The following OTUD7B variants were observed in gnomAD, a reference collection of about 807,000 sequenced individuals.
The protein encoded by OTUD7B is OTU domain-containing protein 7B.
A neutral mutation model predicts 82.2 loss-of-function variants in OTUD7B; 34 were observed. The ratio of observed to expected loss-of-function variants is 0.41; its 90% CI spans 0.31 to 0.55. The LOEUF is 0.55. OTUD7B is among the 20% of genes least tolerant of loss of function. The probability of loss-of-function intolerance (pLI) is 0.20; values close to 1 mark genes in which losing one functional copy is unlikely to be tolerated. For synonymous variants in OTUD7B, 398 were observed against 402.7 expected, an observed-to-expected ratio of 0.99 and a Z score of 0.14; for missense variants, 944 against 1,062.1, an observed-to-expected ratio of 0.89 and a Z score of 1.55.
At chr1:149,982,968 TC>T (rs2101877699) in intron 1 of OTUD7B, among the ~76,000 whole-genome samples, 1 of 149,586 alleles carries the variant, frequency 6.7e-6, no homozygotes, top group African/African-American at 2.5e-5. Flanking sequence ...TGCCTCAGCC[TC>T]CCGAGTAGCT....
intron 7 of OTUD7B, among the ~76,000 whole-genome samples, chr1:149,953,520 T>C (rs1337478246): frequency 5.9e-5 from 9 of 152,212 alleles, no homozygotes; most frequent in Non-Finnish European, 2.9e-5. Flanking sequence ...AGGATTGTCT[T>C]GGCAATGCAG....
At chr1:150,034,948 C>T in the OTUD7B span, among the ~76,000 whole-genome samples, 2 of 151,788 alleles carry the variant, frequency 1.3e-5, no homozygotes, top group African/African-American at 4.8e-5. Context: ...TTTGAGACCA[C>T]CCTGGCTAAC....
At chr1:149,992,205 C>A (rs1651615338) in intron 1 of OTUD7B, among the ~76,000 whole-genome samples, 1 of 152,062 alleles carries the variant, frequency 6.6e-6, no homozygotes, top group Non-Finnish European at 1.5e-5. Context: ...AGCCTGGCGA[C>A]ACAGCAAGAC....
At chr1:149,964,169 T>C (rs1295173422) in intron 6 of OTUD7B, 53 bp downstream of exon 6, 10 of 1,599,132 alleles carry the variant, frequency 6.3e-6, no homozygotes, top group African/African-American at 2.7e-5. Context: ...CCCAGTGACT[T>C]TGGCAGCTTG....
chr1:149,984,439 C>T (rs1483182238), intron 1 of OTUD7B, among the ~76,000 whole-genome samples: 1 of 152,170 alleles, frequency 6.6e-6, no homozygotes, highest in African/African-American at 2.4e-5. Context: ...CTCTTTGTAG[C>T]ATTTGACACT....
chr1:149,963,008 C>T lies in OTUD7B; in HGVS notation c.732+1214G>A, dbSNP rs587692448. 1.9e-3 allele frequency: 288 copies of T among 152,230 alleles called. 2 individuals carry two copies. Among genetic ancestry groups the T allele is most frequent in the African/African-American group, 6.7e-3 (278 of 41,544 alleles). The allele number at this position is 152,230 out of a possible 1,614,324, so 9.4% of individuals were successfully genotyped here. A position where few individuals can be genotyped will look rare whatever the true frequency, so the allele number is the denominator to read the frequency against. On this transcript the variant is annotated intron_variant, in intron 6 of 11. Transcript: ENST00000581312. ...AATCTTCTGGGGAAGACTGGCTGCT[C>T]AAGGAGAGGATTCTGATCTTAATAT... is the stretch of plus-strand genomic sequence containing the variant.
At chr1:149,973,164 T>A (rs587654710) in intron 2 of OTUD7B, among the ~76,000 whole-genome samples, 1 of 152,244 alleles carries the variant, frequency 6.6e-6, no homozygotes, top group African/African-American at 2.4e-5. Context: ...GAATTCTCTA[T>A]CTGGTCTCTC....
chr1:150,043,836 C>T, the OTUD7B span, among the ~76,000 whole-genome samples: 3 of 152,178 alleles, frequency 2.0e-5, no homozygotes, highest in Admixed American at 6.5e-5. Context: ...TGAGGCTAGG[C>T]ACTATGGTTC....
the OTUD7B span, among the ~76,000 whole-genome samples, chr1:150,056,335 A>T: frequency 6.6e-6 from 1 of 152,228 alleles, no homozygotes; most frequent in African/African-American, 2.4e-5. Context: ...TCTCCTTAAC[A>T]TTATAAGTTA....
At chr1:150,029,635 T>C in the OTUD7B span, among the ~76,000 whole-genome samples, 1 of 152,300 alleles carries the variant, frequency 6.6e-6, no homozygotes, top group African/African-American at 2.4e-5. Context: ...TTGTTCATTC[T>C]CTCAGAGTCC....
At chr1:150,032,709 AGGAG>A in the OTUD7B span, among the ~76,000 whole-genome samples, 1 of 151,912 alleles carries the variant, frequency 6.6e-6, no homozygotes, top group Non-Finnish European at 1.5e-5. Flanking sequence ...GAGGAGGAGG[AGGAG>A]GAAGAAGAAG....
At chr1:150,052,027 A>C in the OTUD7B span, among the ~76,000 whole-genome samples, 1 of 152,192 alleles carries the variant, frequency 6.6e-6, no homozygotes, top group Non-Finnish European at 1.5e-5. Context: ...ATACCTCAAA[A>C]TAATGAGTCA....
At chr1:150,028,117 CAA>C in the OTUD7B span, among the ~76,000 whole-genome samples, 1 of 152,138 alleles carries the variant, frequency 6.6e-6, no homozygotes, top group Non-Finnish European at 1.5e-5. Flanking sequence ...CTATTTTTCT[CAA>C]AAGAGTTATT....
chr1:149,967,908 T>A (rs1342226472), intron 3 of OTUD7B, among the ~76,000 whole-genome samples: 1 of 152,124 alleles, frequency 6.6e-6, no homozygotes, highest in Non-Finnish European at 1.5e-5. Flanking sequence ...AGACTAGAGT[T>A]AGTCAAATAA....
At chr1:149,957,098 T>C (rs1648743429) in intron 7 of OTUD7B, among the ~76,000 whole-genome samples, 1 of 152,318 alleles carries the variant, frequency 6.6e-6, no homozygotes, top group East Asian at 1.9e-4. Context: ...TGCGTTCCTT[T>C]GGAGGAGAAG....
the OTUD7B span, among the ~76,000 whole-genome samples, chr1:150,038,287 C>T: frequency 1.3e-5 from 2 of 152,106 alleles, no homozygotes; most frequent in African/African-American, 4.8e-5. Context: ...TCACTTCCTG[C>T]TTTCTATTGG....
chr1:149,969,743 G>A (rs1553777293), intron 3 of OTUD7B, among the ~76,000 whole-genome samples: 1 of 152,150 alleles, frequency 6.6e-6, no homozygotes, highest in Non-Finnish European at 1.5e-5. Flanking sequence ...CCGTCACCCA[G>A]GCTGGAGAGC....
the OTUD7B span, among the ~76,000 whole-genome samples, chr1:150,055,644 C>A: frequency 2.0e-5 from 3 of 152,140 alleles, no homozygotes. Flanking sequence ...ACTAAATGCC[C>A]ATCAATGACA....
intron 2 of OTUD7B, among the ~76,000 whole-genome samples, chr1:149,973,630 C>T (rs12026500): frequency 1.2e-4 from 18 of 151,154 alleles, no homozygotes; most frequent in Non-Finnish European, 2.7e-4. Flanking sequence ...GGATAACAGG[C>T]GCGTGCCACC....
Sources: gnomAD v4.1 joint callset for allele counts (sites outside exome capture counted in the v4.1 genomes callset) on GRCh38, gnomAD v4.1.1 for gene constraint, MANE v1.5 for transcripts, NCBI Gene and HGNC (gene_info 2026-07-23, HGNC 2026-07-21) for gene names.